CARD10: variants seen among roughly 807,000 people sequenced by gnomAD.
CARD10 encodes caspase recruitment domain family member 10.
In CARD10, 49 loss-of-function variants were observed where a neutral mutation model predicts 114.6. The observed-to-expected ratio is 0.43, with a 90% CI of 0.34 to 0.54. CARD10 has a LOEUF of 0.54. Among genes scored for constraint, CARD10 ranks in the 20% least tolerant of loss-of-function variants. The probability of loss-of-function intolerance (pLI) is 0.03; values close to 1 mark genes in which losing one functional copy is unlikely to be tolerated. For missense variants in CARD10, 1,206 were observed against 1,397.2 expected (o/e 0.86, Z 2.18); for synonymous variants, 602 against 593.2 (o/e 1.01, Z -0.21).
Position 37,490,652 on chromosome 22 carries a change from C to A in CARD10, c.*507G>T, listed in dbSNP as rs1375606922. 2 of 154,614 alleles carry A rather than the reference C, an allele frequency of 1.3e-5. No homozygotes were observed. The highest frequency in any genetic ancestry group is 1.3e-4 in the Admixed American group (2 of 15,368). The allele number at this position is 154,614 out of a possible 1,614,324, so 9.6% of individuals were successfully genotyped here. A position where few individuals can be genotyped will look rare whatever the true frequency, so the allele number is the denominator to read the frequency against. On this transcript the variant is annotated 3_prime_UTR_variant, in exon 20 of 20. Coordinates refer to ENST00000251973, the MANE Select transcript of CARD10 (RefSeq NM_014550.4). ...ACGAGGGGCACAGGTGACCATGGGC[C>A]AGGGAACACCCCAGTCCATGCATGG...
rs1923577392 is a variant in CARD10 at position 37,510,086 on chromosome 22, G to T, written c.909+126C>A. The T allele has an allele frequency of 8.1e-6, 5 of 614,224 alleles. 1 individual carries two copies. The highest frequency in any genetic ancestry group is 2.6e-5 in the Admixed American group (1 of 37,808). The allele number at this position is 614,224 out of a possible 1,614,324, so 38.0% of individuals were successfully genotyped here. On this transcript the variant is annotated intron_variant, in intron 4 of 19. Coordinates refer to ENST00000251973, the MANE Select transcript of CARD10 (RefSeq NM_014550.4). ...ACCCAGCCTGTGCCCAGAAGCCCTG[G>T]CCCTGCTACCTGCTGCAGGCCTTCC...
At position 37,518,028 on chromosome 22, in the gene CARD10, C is replaced by T. The variant is rs372809047; in HGVS notation, c.316G>A (p.Glu106Lys). 1 of 1,613,962 alleles carries T rather than the reference C, an allele frequency of 6.2e-7. No homozygotes were observed. The highest frequency in any genetic ancestry group is 1.3e-5 in the African/African-American group (1 of 74,908). The change falls in exon 2 of 20, where the codon GAA becomes AAA. Residue 106 changes from glutamate (E) to lysine (K), a missense_variant. Physicochemically the swap from Glu to Lys is moderately conservative, Grantham distance 56 (BLOSUM62 1). Around this residue, in one of 2 missense-constraint regions of CARD10, gnomAD observed 138 missense variants for 218.0 expected, o/e 0.63. Transcript: ENST00000251973. ...FLEALEFYYPEHFTLLTGQEP... is the reference protein window; with the variant it reads ...FLEALEFYYPKHFTLLTGQEP... ...TGGCCCGTGAGCAGCGTGAAGTGTT[C>T]GGGGTAGTAGAACTCCAGGGCTTCC...
Position 37,491,737 on chromosome 22 carries a change from C to T in CARD10, c.2864+18G>A. On this transcript the variant is annotated intron_variant, in intron 19 of 19. Coordinates refer to ENST00000251973, the MANE Select transcript of CARD10 (RefSeq NM_014550.4). ...CAGGTCCGAGTGCCCTGCCCACTGC[C>T]CCACCCACCCACCTCACCTGACTTC... is the stretch of plus-strand genomic sequence containing the variant. 8.9e-7 allele frequency: 1 copy of T among 1,129,376 alleles called. No homozygotes were observed. The highest frequency in any genetic ancestry group is 1.3e-6 in the Non-Finnish European group (1 of 753,324). 70.0% of individuals were successfully genotyped at this position (1,129,376 alleles called of 1,614,324 possible). A position where few individuals can be genotyped will look rare whatever the true frequency, so the allele number is the denominator to read the frequency against.
At chr22:37,509,106 T>C (rs1020257648) in intron 4 of CARD10, 11 of 1,526,340 alleles carry the variant, frequency 7.2e-6, no homozygotes, top group South Asian at 1.2e-5. Flanking sequence ...AGGTAGACCC[T>C]GGGCCCAAGA....
At chr22:37,504,416 G>T in intron 8 of CARD10, 115 bp from the exon 9 acceptor site, 1 of 1,052,258 alleles carries the variant, frequency 9.5e-7, no homozygotes. Flanking sequence ...GAGCAGAAGA[G>T]CGGGCTCTGC....
chr22:37,502,538 C>G, intron 11 of CARD10, 64 bp downstream of exon 11: 1 of 1,557,680 alleles, frequency 6.4e-7, no homozygotes, highest in Non-Finnish European at 8.7e-7. Context: ...GCTCCTCCCA[C>G]CTCACTCCTG....
chr22:37,511,420 A>AG (rs201675800), intron 3 of CARD10, among the ~76,000 whole-genome samples: 4 of 92,174 alleles, frequency 4.3e-5, no homozygotes, highest in East Asian at 6.7e-4. Context: ...GGGGAGGAGG[A>AG]GGGAGGGGGA....
At chr22:37,512,183 T>G (rs6000755) in intron 3 of CARD10, 50,016 of 152,102 alleles carry the variant, frequency 0.33, 10,861 homozygotes, top group African/African-American at 0.63. Flanking sequence ...GCAGCTGTGG[T>G]GTGACCACCA....
chr22:37,511,357 C>CAAAAAA (rs1169625822), intron 3 of CARD10, among the ~76,000 whole-genome samples: 2 of 65,790 alleles, frequency 3.0e-5, no homozygotes, highest in African/African-American at 7.0e-5. Flanking sequence ...GACCCTGTCT[C>CAAAAAA]AAAAAAAAAA....
At position 37,492,795 on chromosome 22, in the gene CARD10, C is replaced by T; in HGVS notation, c.2484G>A (p.Glu828=). ...QLLLEPCAEP[E]RSLRPYSLVR... ...CCAAACTGTAGGGTCTGAGGCTCCGCTCCGGCTCTGTGGCAGGGGAGGGGC... is the reference window on the plus strand; with the variant it reads ...CCAAACTGTAGGGTCTGAGGCTCCGTTCCGGCTCTGTGGCAGGGGAGGGGC... The change falls in exon 17 of 20, where the codon GAG becomes GAA. Residue 828 remains glutamate (E), a synonymous_variant. Transcript: ENST00000251973. This position sits in a 1 kb window ranked among gnomAD's most constrained non-coding sequence, Gnocchi z 5.7. 1 of 1,611,368 alleles carries T rather than the reference C, an allele frequency of 6.2e-7. No homozygotes were observed. Among genetic ancestry groups the T allele is most frequent in the Non-Finnish European group, 8.5e-7 (1 of 1,179,518 alleles).
rs573465639 is a variant in CARD10 at position 37,503,076 on chromosome 22, G to A, written c.1663+109C>T. The A allele has an allele frequency of 3.3e-5, 40 of 1,230,276 alleles. No individual in the cohort carries two copies. In the East Asian group the frequency reaches 8.0e-4, roughly 24 times the overall value. The allele number at this position is 1,230,276 out of a possible 1,614,324, so 76.2% of individuals were successfully genotyped here. ...GCAGGGGCCACGGCGGGGCTTCAGG[G>A]AAGGGGATGCAGGCCAAAGGTAGCG... On this transcript the variant is annotated intron_variant, in intron 10 of 19. Transcript: ENST00000251973.
In CARD10 at chr22:37,495,776, C is replaced by T. The variant is rs1490143209; in HGVS notation, c.2287G>A (p.Val763Met). 3.1e-6 allele frequency: 5 copies of T among 1,613,880 alleles called. No individual in the cohort carries two copies. Among genetic ancestry groups the T allele is most frequent in the Admixed American group, 1.7e-5 (1 of 60,034 alleles). Residue 763 changes from valine (V) to methionine (M), a missense_variant, in exon 14 of 20, where the codon GTG becomes ATG. Around this residue, in one of 2 missense-constraint regions of CARD10, gnomAD observed 1,068 missense variants for 1,179.1 expected, o/e 0.91. Coordinates refer to ENST00000251973, the MANE Select transcript of CARD10 (RefSeq NM_014550.4). ...CTGCGTCACCTCTGATAATTGGGCA[C>T]GGTGCCCCGGTCCAGGTCCCGCAGA... ...LTLRDLDRGTVPNYQRAQQLL... is the reference protein window; with the variant it reads ...LTLRDLDRGTMPNYQRAQQLL...
At chr22:37,512,465 CCACACACA>C (rs36080549) in intron 3 of CARD10, among the ~76,000 whole-genome samples, 24,508 of 113,832 alleles carry the variant, frequency 0.22, 4,063 homozygotes, top group African/African-American at 0.43. Flanking sequence ...AGCCCCCCCT[CCACACACA>C]CACACACACA....
chr22:37,510,181 A>C (rs1375119010), intron 4 of CARD10, 31 bp downstream of exon 4: 1 of 1,580,404 alleles, frequency 6.3e-7, no homozygotes, highest in Admixed American at 1.7e-5. Flanking sequence ...ACCACCCCCC[A>C]GCCTGTGCCC....
intron 11 of CARD10, among the ~76,000 whole-genome samples, chr22:37,499,851 G>A (rs1039195749): frequency 2.0e-5 from 3 of 152,022 alleles, no homozygotes; most frequent in Non-Finnish European, 4.4e-5. Context: ...GACACAGCAG[G>A]GAGAGGGGCT....
Position 37,516,314 on chromosome 22 carries a change from A to G in CARD10, c.374-16T>C, listed in dbSNP as rs373996803. 38 of 1,558,530 alleles carry G rather than the reference A, an allele frequency of 2.4e-5. No individual in the cohort carries two copies. The African/African-American group carries it at 4.1e-4, about 17-fold the overall frequency. ...CCCTCCTCATCTGCCAGGACAGAAC[A>G]GGGGACAGAATAGGCAGCTCAGGCA... On this transcript the variant is annotated splice_polypyrimidine_tract_variant and intron_variant, in intron 2 of 19. Coordinates refer to ENST00000251973, the MANE Select transcript of CARD10 (RefSeq NM_014550.4).
chr22:37,508,745 G>C (rs1923505885), intron 4 of CARD10, 63 bp from the exon 5 acceptor site: 10 of 1,476,960 alleles, frequency 6.8e-6, no homozygotes, highest in African/African-American at 1.4e-5. Flanking sequence ...GGTGTGGGAA[G>C]GAAGGGGACA....
chr22:37,500,243 G>A (rs1923163393), intron 11 of CARD10, among the ~76,000 whole-genome samples: 1 of 152,322 alleles, frequency 6.6e-6, no homozygotes, highest in South Asian at 2.1e-4. Flanking sequence ...CAGCTAGTGG[G>A]CCGTGGAGCC....
At chr22:37,493,986 T>G in intron 16 of CARD10, 100 bp downstream of exon 16, 1 of 896,562 alleles carries the variant, frequency 1.1e-6, no homozygotes, top group South Asian at 1.4e-5. Context: ...AACAGGCCCT[T>G]CCAGGCCAAA....
Sources: gnomAD v4.1 joint callset for allele counts (sites outside exome capture counted in the v4.1 genomes callset) on GRCh38, gnomAD v4.1.1 for gene constraint, gnomAD v4.1.1 regional missense constraint, Gnocchi (gnomAD v3.1) non-coding constraint, MANE v1.5 for transcripts, NCBI Gene and HGNC (gene_info 2026-07-23, HGNC 2026-07-21) for gene names.